The following EMSY variants were observed in gnomAD, a reference collection of about 807,000 sequenced individuals.
EMSY encodes the protein BRCA2-interacting transcriptional repressor EMSY.
In EMSY, 26 loss-of-function variants were observed where a neutral mutation model predicts 134.6. The observed-to-expected ratio is 0.19, with a 90% CI of 0.14 to 0.27. The LOEUF (loss-of-function observed/expected upper bound fraction) is 0.27. Ranked by LOEUF, EMSY falls within the 10% of genes least tolerant of loss-of-function variation. The pLI is 1.00. For missense variants in EMSY, 1,305 were observed against 1,611.4 expected (o/e 0.81, Z 3.26); for synonymous variants, 579 against 577.8 (o/e 1.00, Z -0.03).
At chr11:76,514,540 T>C (rs1016515013) in intron 10 of EMSY, among the ~76,000 whole-genome samples, 7 of 152,192 alleles carry the variant, frequency 4.6e-5, no homozygotes, top group African/African-American at 1.7e-4. Flanking sequence ...GAACTGGGGA[T>C]TGAACCAGTT....
exon 19 of EMSY, chr11:76,544,671 A>G: frequency 6.2e-7 from 1 of 1,614,170 alleles, no homozygotes; most frequent in South Asian, 1.1e-5. Flanking sequence ...CAGCCCCCGC[A>G]AACTGTAGTA....
At chr11:76,550,576 T>C (rs1951809492) in exon 21 of EMSY, 1 of 153,140 alleles carries the variant, frequency 6.5e-6, no homozygotes, top group Admixed American at 6.5e-5. Context: ...AACTTGTATG[T>C]TTTTGCAAAT....
chr11:76,500,835 G>T (rs528896102), intron 9 of EMSY, among the ~76,000 whole-genome samples: 2 of 152,334 alleles, frequency 1.3e-5, no homozygotes, highest in South Asian at 4.1e-4. Context: ...TAAAATAACT[G>T]ATCCCATCAC....
chr11:76,493,232 G>T (rs946510512), intron 8 of EMSY, among the ~76,000 whole-genome samples: 5 of 152,166 alleles, frequency 3.3e-5, no homozygotes, highest in South Asian at 2.1e-4. Flanking sequence ...GCCCCCTGCC[G>T]CCTGAACCGC....
intron 1 of EMSY, among the ~76,000 whole-genome samples, chr11:76,445,893 C>T (rs1039520609): frequency 6.6e-6 from 1 of 152,120 alleles, no homozygotes; most frequent in African/African-American, 2.4e-5. Context: ...TCCAGTTCTT[C>T]TTGCCTTGGG....
At position 76,472,847 on chromosome 11, in the gene EMSY, G is replaced by T. The variant is rs1184315665; in HGVS notation, c.1108+7G>T. 1.2e-6 allele frequency: 2 copies of T among 1,609,788 alleles called. No individual in the cohort carries two copies. The highest frequency in any genetic ancestry group is 4.5e-5 in the East Asian group (2 of 44,762). On this transcript the variant is annotated splice_region_variant and intron_variant, in intron 8 of 20. Coordinates refer to ENST00000334736, the Ensembl canonical transcript of EMSY. ...ATGTCAACAGTAGCACAAGGTGAGT[G>T]CTGTTTCACAATTTAATTCTGTCAC...
At chr11:76,489,002 A>G (rs1029271590) in intron 8 of EMSY, among the ~76,000 whole-genome samples, 4 of 152,198 alleles carry the variant, frequency 2.6e-5, no homozygotes, top group African/African-American at 9.6e-5. Context: ...CATATGTCCT[A>G]CCTAAACTAG....
exon 21 of EMSY, chr11:76,550,949 A>G (rs1951819918): frequency 6.5e-6 from 1 of 152,806 alleles, no homozygotes; most frequent in African/African-American, 2.4e-5. Flanking sequence ...AAAATGTTTC[A>G]TTGCGAAGCA....
chr11:76,493,704 C>G (rs771695388), intron 8 of EMSY, among the ~76,000 whole-genome samples: 3 of 152,224 alleles, frequency 2.0e-5, no homozygotes, highest in Admixed American at 2.0e-4. Flanking sequence ...AGGAGCTACT[C>G]GCTTCGGATC....
intron 9 of EMSY, among the ~76,000 whole-genome samples, chr11:76,497,582 G>A (rs1358729340): frequency 6.6e-6 from 1 of 151,962 alleles, no homozygotes; most frequent in Non-Finnish European, 1.5e-5. Context: ...GGTAGTTTAT[G>A]GTTTTGAGGA....
intron 9 of EMSY, among the ~76,000 whole-genome samples, chr11:76,510,523 G>T (rs1950236787): frequency 6.6e-6 from 1 of 152,218 alleles, no homozygotes; most frequent in Non-Finnish European, 1.5e-5. Flanking sequence ...GTCGGGGTAA[G>T]GGGTTGGGGA....
intron 4 of EMSY, among the ~76,000 whole-genome samples, chr11:76,455,563 C>G: frequency 6.6e-6 from 1 of 152,076 alleles, no homozygotes; most frequent in African/African-American, 2.4e-5. Context: ...CTCCCCTCCC[C>G]CCACTCAAAA....
At chr11:76,504,066 G>A (rs1421346659) in intron 9 of EMSY, among the ~76,000 whole-genome samples, 2 of 151,726 alleles carry the variant, frequency 1.3e-5, no homozygotes, top group Non-Finnish European at 2.9e-5. Context: ...GATTACAGGC[G>A]GGAGCCACTG....
chr11:76,538,563 GA>G (rs1022950282), intron 16 of EMSY, among the ~76,000 whole-genome samples: 7 of 152,132 alleles, frequency 4.6e-5, no homozygotes, highest in African/African-American at 1.4e-4. Context: ...GCCTGGCCTA[GA>G]ATAAGTATTT....
rs551940780 is a variant in EMSY at position 76,453,471 on chromosome 11, A to G, written c.245+83A>G. ...AAACAGTCTTCCTATTGTGTAGCAGATTCCTGAGTCTTTTAAGTAACAATA... is the reference window on the plus strand; with the variant it reads ...AAACAGTCTTCCTATTGTGTAGCAGGTTCCTGAGTCTTTTAAGTAACAATA... On this transcript the variant is annotated intron_variant, in intron 4 of 20. Transcript: ENST00000334736. 8.0e-6 allele frequency: 10 copies of G among 1,256,916 alleles called. No individual in the cohort carries two copies. In the South Asian group the frequency reaches 1.4e-4, roughly 17 times the overall value. The allele number at this position is 1,256,916 out of a possible 1,614,324, so 77.9% of individuals were successfully genotyped here.
At chr11:76,510,499 TGAGTGCTCACA>T (rs1429758793) in intron 9 of EMSY, among the ~76,000 whole-genome samples, 7 of 152,236 alleles carry the variant, frequency 4.6e-5, no homozygotes. Flanking sequence ...CTTTACGCAC[TGAGTGCTCACA>T]GAGTCGGGGT....
At chr11:76,460,178 G>T in intron 6 of EMSY, 93 bp downstream of exon 7, 1 of 1,413,418 alleles carries the variant, frequency 7.1e-7, no homozygotes, top group Admixed American at 1.9e-5. Context: ...TAAATCATTG[G>T]TCCACTAGCT....
rs559784317 is a variant in EMSY at position 76,454,201 on chromosome 11, T to G, written c.245+813T>G. Among the ~76,000 whole-genome samples, 3 of 152,334 alleles carry G rather than the reference T, an allele frequency of 2.0e-5. No individual in the cohort carries two copies. In the South Asian group the frequency reaches 6.2e-4, roughly 32 times the overall value. The stretch of plus-strand genomic sequence containing the variant: ...CAGTGCATTTCCATAATGTGATAAC[T>G]TAAACATTGTATTTAAGTCAATTGG... On this transcript the variant is annotated intron_variant, in intron 4 of 20. Coordinates refer to ENST00000334736, the Ensembl canonical transcript of EMSY.
At chr11:76,551,126 T>C (rs1386354996) in exon 21 of EMSY, 1 of 152,686 alleles carries the variant, frequency 6.5e-6, no homozygotes, top group Non-Finnish European at 1.5e-5. Flanking sequence ...TTGAAATGTA[T>C]AAAAAGTTCA....
Sources: allele counts gnomAD v4.1 joint callset (sites outside exome capture counted in the v4.1 genomes callset), GRCh38; gene constraint gnomAD v4.1.1; transcripts MANE v1.5; gene names NCBI Gene and HGNC (gene_info 2026-07-23, HGNC 2026-07-21).